The following KCNC2 variants were observed in gnomAD, a reference collection of about 807,000 sequenced individuals.
KCNC2 encodes the protein voltage-gated potassium channel KCNC2.
A neutral mutation model predicts 44.5 loss-of-function variants in KCNC2; 21 were observed. That is an observed-to-expected ratio of 0.47 (90% CI 0.33 to 0.68). The LOEUF is 0.68. KCNC2 is among the 30% of genes least tolerant of loss of function. The pLI, the probability that KCNC2 is intolerant of heterozygous loss-of-function variation, is 0.01. For missense variants in KCNC2, 589 were observed against 826.2 expected, an observed-to-expected ratio of 0.71 and a Z score of 3.52; for synonymous variants, 391 against 339.1, an observed-to-expected ratio of 1.15 and a Z score of -1.68.
At chr12:75,044,018 A>T (rs1042512418) in intron 4 of KCNC2, among the ~76,000 whole-genome samples, 6 of 151,930 alleles carry the variant, frequency 3.9e-5, no homozygotes, top group Non-Finnish European at 8.8e-5. Context: ...TTTGTTCATG[A>T]TAGCTACGAA....
intron 2 of KCNC2, among the ~76,000 whole-genome samples, chr12:75,063,953 C>T (rs938849093): frequency 7.9e-5 from 12 of 152,090 alleles, no homozygotes; most frequent in African/African-American, 2.9e-4. Context: ...AAATTATTCA[C>T]ATTAACTTGG....
chr12:75,047,256 G>A (rs765545126), intron 4 of KCNC2, among the ~76,000 whole-genome samples: 7 of 151,866 alleles, frequency 4.6e-5, no homozygotes, highest in South Asian at 2.1e-4. Flanking sequence ...TAATAGTCAC[G>A]AGACTATTTT....
chr12:75,067,368 A>T (rs1882935465), intron 2 of KCNC2, among the ~76,000 whole-genome samples: 2 of 152,244 alleles, frequency 1.3e-5, no homozygotes, highest in African/African-American at 4.8e-5. Context: ...TAGATCAATT[A>T]TAATACATTA....
At chr12:75,117,920 A>G (rs1887788714) in intron 2 of KCNC2, among the ~76,000 whole-genome samples, 2 of 152,112 alleles carry the variant, frequency 1.3e-5, no homozygotes, top group Non-Finnish European at 2.9e-5. Context: ...CCATACCACA[A>G]ATTGGTCCCC....
At position 75,111,320 on chromosome 12, in the gene KCNC2, T is replaced by C. The variant is rs190316912; in HGVS notation, c.688-60003A>G. Among the ~76,000 whole-genome samples, 272 of 152,262 alleles carry C rather than the reference T, an allele frequency of 1.8e-3. 3 individuals are homozygous for C. The highest frequency in any genetic ancestry group is 6.1e-3 in the African/African-American group (252 of 41,578). ...ATTTCAGACATTAAGTTTTCTGTTTTTCTATTTTAAGTTTTCTATTTTTCT... is the reference window on the plus strand; with the variant it reads ...ATTTCAGACATTAAGTTTTCTGTTTCTCTATTTTAAGTTTTCTATTTTTCT... On this transcript the variant is annotated intron_variant, in intron 2 of 4. Transcript: ENST00000549446.
chr12:75,199,217 A>T (rs780631383), intron 2 of KCNC2, among the ~76,000 whole-genome samples: 1 of 151,876 alleles, frequency 6.6e-6, no homozygotes, highest in Non-Finnish European at 1.5e-5. Flanking sequence ...AAAGATGTCT[A>T]CAGCACAGTC....
intron 2 of KCNC2, among the ~76,000 whole-genome samples, chr12:75,119,573 T>A (rs1416289870): frequency 2.6e-5 from 4 of 152,128 alleles, no homozygotes; most frequent in Non-Finnish European, 5.9e-5. Flanking sequence ...TTGAAACCAG[T>A]TCAACTTTCA....
chr12:75,067,892 CT>C (rs1488203895), intron 2 of KCNC2, among the ~76,000 whole-genome samples: 1 of 151,872 alleles, frequency 6.6e-6, no homozygotes, highest in African/African-American at 2.4e-5. Context: ...AAAAAACATA[CT>C]TTTTTTATGT....
intron 2 of KCNC2, among the ~76,000 whole-genome samples, chr12:75,201,611 A>G (rs989515751): frequency 3.3e-5 from 5 of 151,760 alleles, no homozygotes; most frequent in African/African-American, 1.2e-4. Flanking sequence ...GCATTTTTCA[A>G]TTCTTTTTCC....
intron 2 of KCNC2, among the ~76,000 whole-genome samples, chr12:75,103,663 G>T (rs1034769882): frequency 2.0e-5 from 3 of 152,138 alleles, no homozygotes; most frequent in African/African-American, 7.2e-5. Context: ...ATATACAGTA[G>T]TTCCCCCTTA....
intron 2 of KCNC2, among the ~76,000 whole-genome samples, chr12:75,116,364 T>G (rs1210990853): frequency 6.6e-6 from 1 of 152,104 alleles, no homozygotes; most frequent in Non-Finnish European, 1.5e-5. Context: ...GAATTGTTAT[T>G]ATTAAAATAA....
intron 2 of KCNC2, among the ~76,000 whole-genome samples, chr12:75,134,128 A>T (rs1889055101): frequency 6.6e-6 from 1 of 151,986 alleles, no homozygotes; most frequent in Non-Finnish European, 1.5e-5. Flanking sequence ...GATAATTAAA[A>T]TACACCTGGG....
At chr12:75,079,854 C>A (rs1283754155) in intron 2 of KCNC2, among the ~76,000 whole-genome samples, 2 of 152,112 alleles carry the variant, frequency 1.3e-5, no homozygotes, top group African/African-American at 4.8e-5. Flanking sequence ...TAGCATGTCT[C>A]TTTGGTACCA....
intron 2 of KCNC2, among the ~76,000 whole-genome samples, chr12:75,202,480 T>C (rs12314410): frequency 1.8e-4 from 27 of 151,816 alleles, no homozygotes; most frequent in African/African-American, 6.5e-4. Flanking sequence ...GCAAACACAC[T>C]GGACTATTAT....
chr12:75,096,179 A>G lies in KCNC2; in HGVS notation c.688-44862T>C, dbSNP rs541211142. 3.5e-4 allele frequency among the ~76,000 whole-genome samples: 53 copies of G among 152,064 alleles called. No individual in the cohort carries two copies. In the South Asian group the frequency reaches 0.011, roughly 31 times the overall value. On this transcript the variant is annotated intron_variant, in intron 2 of 4. Transcript: ENST00000549446. Reference sequence around the variant, plus strand: ...CTTTCAAGTCAACTGCAAACAGCTCACCTCAATCTTATTTCTCCATAAAAA... The same window carrying G: ...CTTTCAAGTCAACTGCAAACAGCTCGCCTCAATCTTATTTCTCCATAAAAA...
intron 2 of KCNC2, among the ~76,000 whole-genome samples, chr12:75,123,356 A>G (rs1272792074): frequency 6.6e-6 from 1 of 152,234 alleles, no homozygotes; most frequent in African/African-American, 2.4e-5. Context: ...AATAGATACA[A>G]TAAAATACTT....
chr12:75,172,440 A>T (rs1417315273), intron 2 of KCNC2, among the ~76,000 whole-genome samples: 1 of 151,726 alleles, frequency 6.6e-6, no homozygotes, highest in African/African-American at 2.4e-5. Flanking sequence ...ACATTTACCT[A>T]TGTAAGAAAT....
intron 2 of KCNC2, among the ~76,000 whole-genome samples, chr12:75,183,979 T>A (rs771748218): frequency 6.6e-6 from 1 of 152,126 alleles, no homozygotes; most frequent in Non-Finnish European, 1.5e-5. Flanking sequence ...ACTGGCCCAC[T>A]TGATGCCCTT....
At chr12:75,067,386 T>C (rs1882937448) in intron 2 of KCNC2, among the ~76,000 whole-genome samples, 1 of 152,198 alleles carries the variant, frequency 6.6e-6, no homozygotes, top group South Asian at 2.1e-4. Context: ...TTATAGTGTA[T>C]TAATTCATGT....
Sources: gnomAD v4.1 joint callset for allele counts (sites outside exome capture counted in the v4.1 genomes callset) on GRCh38, gnomAD v4.1.1 for gene constraint, MANE v1.5 for transcripts, NCBI Gene and HGNC (gene_info 2026-07-23, HGNC 2026-07-21) for gene names.